The following ARHGAP24 variants were observed in gnomAD, a reference collection of about 807,000 sequenced individuals.
The protein encoded by ARHGAP24 is Rho GTPase activating protein 24.
Under a neutral mutation model 76.4 loss-of-function variants are expected in ARHGAP24, and 50 were observed. The observed-to-expected ratio is 0.65, with a 90% CI of 0.52 to 0.83. The LOEUF (loss-of-function observed/expected upper bound fraction) is 0.83, where lower values mean the gene tolerates loss of function less well. ARHGAP24 is among the 40% of genes least tolerant of loss of function. ARHGAP24 has a pLI of 0.00. For missense variants in ARHGAP24, 930 were observed against 914.2 expected (o/e 1.02, Z -0.22); for synonymous variants, 345 against 323.3 (o/e 1.07, Z -0.72).
intron 2 of ARHGAP24, among the ~76,000 whole-genome samples, chr4:85,605,096 T>C (rs1173854647): frequency 6.6e-6 from 1 of 152,232 alleles, no homozygotes; most frequent in Non-Finnish European, 1.5e-5. Flanking sequence ...ATGTATTCAC[T>C]CTAAAGTGTT....
chr4:85,694,610 G>A (rs1335168344), intron 2 of ARHGAP24, among the ~76,000 whole-genome samples: 1 of 152,034 alleles, frequency 6.6e-6, no homozygotes, highest in South Asian at 2.1e-4. Context: ...AGAAAAAAAA[G>A]CTTCTCATCC....
At chr4:85,772,611 A>G (rs1334936123) in intron 3 of ARHGAP24, among the ~76,000 whole-genome samples, 1 of 152,148 alleles carries the variant, frequency 6.6e-6, no homozygotes, top group African/African-American at 2.4e-5. Context: ...TGGCTGTCCT[A>G]GTATAGTGTG....
chr4:85,876,438 G>A (rs574962042), intron 3 of ARHGAP24, among the ~76,000 whole-genome samples: 1 of 152,198 alleles, frequency 6.6e-6, no homozygotes, highest in South Asian at 2.1e-4. Flanking sequence ...CGAGCCAGCT[G>A]CCCATAAACT....
rs112589981 is a variant in ARHGAP24, at chr4:85,523,130, G to A, written c.-20-47392G>A. 9.7e-3 allele frequency among the ~76,000 whole-genome samples: 1,483 copies of A among 152,314 alleles called. 14 individuals are homozygous for A. The highest frequency in any genetic ancestry group is 0.019 in the East Asian group (96 of 5,180). On this transcript the variant is annotated intron_variant, in intron 1 of 9. Coordinates refer to ENST00000395184, the MANE Select transcript of ARHGAP24 (RefSeq NM_001025616.3). ...TTTCTCCTGGGAACAAAAAACCCAT[G>A]CAGAAATGGAGACCACATTCTTTTG...
At chr4:85,611,858 C>T (rs1010938096) in intron 2 of ARHGAP24, among the ~76,000 whole-genome samples, 8 of 152,160 alleles carry the variant, frequency 5.3e-5, no homozygotes, top group African/African-American at 1.9e-4. Context: ...CTTTCTGTGG[C>T]AAACAAGTTG....
chr4:85,680,911 G>A (rs1578135627), intron 2 of ARHGAP24, among the ~76,000 whole-genome samples: 3 of 151,854 alleles, frequency 2.0e-5, no homozygotes, highest in South Asian at 4.1e-4. Flanking sequence ...TCTCAGTGAT[G>A]AGCCTTTCTT....
intron 3 of ARHGAP24, among the ~76,000 whole-genome samples, chr4:85,910,979 GAGAT>G: frequency 6.6e-6 from 1 of 152,146 alleles, no homozygotes; most frequent in Non-Finnish European, 1.5e-5. Context: ...ACTTTGCTCT[GAGAT>G]CGGAGTGGAC....
intron 3 of ARHGAP24, among the ~76,000 whole-genome samples, chr4:85,774,074 G>A (rs1446323472): frequency 6.6e-6 from 1 of 152,174 alleles, no homozygotes; most frequent in Non-Finnish European, 1.5e-5. Context: ...ATGGCACTTA[G>A]GGAAAGCCAT....
chr4:85,753,564 A>G (rs1162380207), intron 3 of ARHGAP24, among the ~76,000 whole-genome samples: 1 of 152,236 alleles, frequency 6.6e-6, no homozygotes, highest in Non-Finnish European at 1.5e-5. Context: ...TTGGAAGTCA[A>G]CATTTCAGTA....
intron 4 of ARHGAP24, among the ~76,000 whole-genome samples, chr4:85,937,775 T>C (rs975193125): frequency 3.5e-5 from 4 of 114,844 alleles, no homozygotes; most frequent in Admixed American, 2.5e-4. Flanking sequence ...TTGGTGACTG[T>C]AGAAAAAAGC....
At chr4:85,509,298 A>T (rs148977205) in intron 1 of ARHGAP24, among the ~76,000 whole-genome samples, 115 of 151,968 alleles carry the variant, frequency 7.6e-4, no homozygotes, top group African/African-American at 2.7e-3. Flanking sequence ...ATACATATGT[A>T]ACTAACCTGC....
At chr4:85,535,102 A>T (rs1725415969) in intron 1 of ARHGAP24, among the ~76,000 whole-genome samples, 1 of 152,178 alleles carries the variant, frequency 6.6e-6, no homozygotes, top group South Asian at 2.1e-4. Flanking sequence ...TTCAAATGTA[A>T]AAGCTCAGTT....
chr4:85,681,606 T>C (rs1375446313), intron 2 of ARHGAP24, among the ~76,000 whole-genome samples: 1 of 152,200 alleles, frequency 6.6e-6, no homozygotes, highest in African/African-American at 2.4e-5. Flanking sequence ...ACCCGAGTTT[T>C]CTAGGAAAGA....
At chr4:85,584,497 C>T (rs915102111) in intron 2 of ARHGAP24, among the ~76,000 whole-genome samples, 7 of 150,964 alleles carry the variant, frequency 4.6e-5, no homozygotes, top group South Asian at 4.2e-4. Flanking sequence ...TGCTAAATGA[C>T]GAGTTAATGG....
chr4:85,491,997 C>T (rs1427460113), intron 1 of ARHGAP24, among the ~76,000 whole-genome samples: 2 of 151,740 alleles, frequency 1.3e-5, no homozygotes, highest in African/African-American at 4.8e-5. Context: ...ACTTTTTTGT[C>T]TTTTGTCTTT....
intron 2 of ARHGAP24, among the ~76,000 whole-genome samples, chr4:85,666,923 G>C (rs551774606): frequency 6.6e-5 from 10 of 152,326 alleles, no homozygotes; most frequent in African/African-American, 2.4e-4. Context: ...GTACCTCCCA[G>C]TTAGGCTCCT....
Position 85,820,177 on chromosome 4 carries a change from A to G in ARHGAP24, c.268+98205A>G, listed in dbSNP as rs548583094. 1.4e-4 allele frequency among the ~76,000 whole-genome samples: 21 copies of G among 152,352 alleles called. No homozygotes were observed. The South Asian group carries it at 3.9e-3, about 29-fold the overall frequency. ...ATAAATTGTTCTATTATAAAGACAC[A>G]TGCATGCATATGTTCATCACAGCAC... is the stretch of plus-strand genomic sequence containing the variant. On this transcript the variant is annotated intron_variant, in intron 3 of 9. Transcript: ENST00000395184.
intron 3 of ARHGAP24, among the ~76,000 whole-genome samples, chr4:85,768,808 A>G (rs1394741501): frequency 6.6e-6 from 1 of 152,102 alleles, no homozygotes; most frequent in Non-Finnish European, 1.5e-5. Context: ...ACTAAAGATG[A>G]GATCACTTGT....
rs150605002 is a variant in ARHGAP24, at chr4:85,820,006, T to C, written c.268+98034T>C. 9.4e-3 allele frequency among the ~76,000 whole-genome samples: 1,424 copies of C among 152,286 alleles called. 26 individuals are homozygous for C. The highest frequency in any genetic ancestry group is 0.032 in the African/African-American group (1,332 of 41,534). On this transcript the variant is annotated intron_variant, in intron 3 of 9. Transcript: ENST00000395184. ...TAAACCTCTTTTCTTTATAAATTAC[T>C]AGTTTCAGGTATTTCTTTGTAGCAA...
Sources: gnomAD v4.1 joint callset for allele counts (sites outside exome capture counted in the v4.1 genomes callset) on GRCh38, gnomAD v4.1.1 for gene constraint, MANE v1.5 for transcripts, NCBI Gene and HGNC (gene_info 2026-07-23, HGNC 2026-07-21) for gene names.